The following NMU variants were observed in gnomAD, a reference collection of about 807,000 sequenced individuals.
The protein encoded by NMU is neuromedin-U.
NMU carries 29 observed loss-of-function variants against 35.4 expected under a neutral mutation model. The observed-to-expected ratio is 0.82, with a 90% CI of 0.61 to 1.12. The LOEUF (loss-of-function observed/expected upper bound fraction) is 1.12, where lower values mean the gene tolerates loss of function less well. Ranked by LOEUF, NMU falls within the 50% of genes most tolerant of loss-of-function variation. The pLI is 0.00. For missense variants in NMU, 199 were observed against 206.2 expected (o/e 0.97, Z 0.21); for synonymous variants, 78 against 81.3 (o/e 0.96, Z 0.22).
At chr4:55,596,962 G>A (rs2110177056) in intron 9 of NMU, among the ~76,000 whole-genome samples, 1 of 152,246 alleles carries the variant, frequency 6.6e-6, no homozygotes, top group East Asian at 1.9e-4. Flanking sequence ...AGAAATTGAT[G>A]TGAAATTTTA....
chr4:55,612,393 C>T (rs1733968154), intron 3 of NMU, among the ~76,000 whole-genome samples: 1 of 152,094 alleles, frequency 6.6e-6, no homozygotes, highest in Admixed American at 6.6e-5. Flanking sequence ...GAGTGAGACC[C>T]TATCTCTAAA....
intron 2 of NMU, among the ~76,000 whole-genome samples, chr4:55,628,458 C>T (rs1209431659): frequency 6.7e-6 from 1 of 149,146 alleles, no homozygotes; most frequent in Non-Finnish European, 1.5e-5. Context: ...TTGCTCCGCT[C>T]TCCTTTTAAA....
intron 2 of NMU, among the ~76,000 whole-genome samples, chr4:55,625,561 G>T (rs1452709351): frequency 6.6e-6 from 1 of 151,918 alleles, no homozygotes; most frequent in Admixed American, 6.6e-5. Flanking sequence ...TATGTATTTT[G>T]TTGCGGGTGA....
chr4:55,636,118 C>T lies in NMU; in HGVS notation c.75G>A (p.Leu25=), dbSNP rs1210040862. 1 of 1,529,692 alleles carries T rather than the reference C, an allele frequency of 6.5e-7. No homozygotes were observed. Among genetic ancestry groups the T allele is most frequent in the South Asian group, 1.2e-5 (1 of 83,736 alleles). The allele number at this position is 1,529,692 out of a possible 1,614,324, so 94.8% of individuals were successfully genotyped here. A position where few individuals can be genotyped will look rare whatever the true frequency, so the allele number is the denominator to read the frequency against. ...QVAAASPLLL[L]LLLLAWCAGA... is the part of the protein sequence containing the mutation. ...CCGCGCACCAGGCGAGCAGCAGCAG[C>T]AGCAGCAGGAGCGGGGACGCCGCGG... Residue 25 remains leucine (L), a synonymous_variant, in exon 1 of 10, where the codon CTG becomes CTA. Transcript: ENST00000264218. The surrounding 1 kb of genome is among the most constrained non-coding windows in gnomAD (Gnocchi z 4.0).
intron 7 of NMU, among the ~76,000 whole-genome samples, chr4:55,603,703 G>C (rs1015683271): frequency 6.6e-6 from 1 of 151,486 alleles, no homozygotes; most frequent in African/African-American, 2.4e-5. Context: ...ACGAGGTCAG[G>C]AGATCGAGAC....
At chr4:55,612,675 T>C (rs899547052) in intron 3 of NMU, among the ~76,000 whole-genome samples, 6 of 152,188 alleles carry the variant, frequency 3.9e-5, no homozygotes, top group African/African-American at 1.4e-4. Flanking sequence ...TGGATGAGCT[T>C]CAGTAAGATT....
intron 7 of NMU, among the ~76,000 whole-genome samples, chr4:55,602,028 T>G (rs116670879): frequency 1.7e-3 from 258 of 151,918 alleles, no homozygotes; most frequent in African/African-American, 6.0e-3. Context: ...ATAAAAAAAT[T>G]CAAATGCATA....
chr4:55,605,216 A>G, intron 7 of NMU, 59 bp downstream of exon 7: 1 of 1,141,642 alleles, frequency 8.8e-7, no homozygotes, highest in Non-Finnish European at 1.3e-6. Flanking sequence ...GCTGGGAATT[A>G]ACAGAAAGGG....
chr4:55,599,807 A>T (rs541597508), intron 8 of NMU, among the ~76,000 whole-genome samples: 1 of 152,310 alleles, frequency 6.6e-6, no homozygotes, highest in Non-Finnish European at 1.5e-5. Context: ...CCTTTGGACT[A>T]CAAGTGCATT....
At chr4:55,625,431 T>C (rs944700733) in intron 2 of NMU, among the ~76,000 whole-genome samples, 18 of 152,204 alleles carry the variant, frequency 1.2e-4, no homozygotes, top group African/African-American at 4.3e-4. Context: ...TTATTTATAT[T>C]TCTAGCATGT....
At chr4:55,599,862 T>C (rs189314944) in intron 8 of NMU, among the ~76,000 whole-genome samples, 1 of 152,284 alleles carries the variant, frequency 6.6e-6, no homozygotes, top group African/African-American at 2.4e-5. Context: ...TTTGAGCCTA[T>C]CTAAATTCCT....
chr4:55,598,094 T>G (rs1368906924), intron 9 of NMU, among the ~76,000 whole-genome samples: 1 of 143,932 alleles, frequency 6.9e-6, no homozygotes. Context: ...TTGTGGTTTT[T>G]TTTTTTTTTT....
At chr4:55,628,285 A>G (rs963350237) in intron 2 of NMU, among the ~76,000 whole-genome samples, 2 of 152,152 alleles carry the variant, frequency 1.3e-5, no homozygotes, top group African/African-American at 4.8e-5. Context: ...GCAGTCAATT[A>G]TCCATAAAAT....
rs570120944 is a variant in NMU, at chr4:55,601,876, T to C, written c.436-1301A>G. ...GATGGCATACACCTGTGGACCCAGCTCCTCAGGCTCCTCAGGAGGCTGAGG... is the reference window on the plus strand; with the variant it reads ...GATGGCATACACCTGTGGACCCAGCCCCTCAGGCTCCTCAGGAGGCTGAGG... On this transcript the variant is annotated intron_variant, in intron 7 of 9. Coordinates refer to ENST00000264218, the MANE Select transcript of NMU (RefSeq NM_006681.4). Among the ~76,000 whole-genome samples, 5 of 151,678 alleles carry C rather than the reference T, an allele frequency of 3.3e-5. No homozygotes were observed. In the South Asian group the frequency reaches 1.0e-3, roughly 32 times the overall value.
At chr4:55,611,045 CA>C (rs1432489315) in intron 3 of NMU, among the ~76,000 whole-genome samples, 4 of 151,468 alleles carry the variant, frequency 2.6e-5, no homozygotes, top group African/African-American at 9.7e-5. Flanking sequence ...AGTGTCATTA[CA>C]AAAGAGAAAA....
chr4:55,604,012 T>C lies in NMU; in HGVS notation c.435+1263A>G, dbSNP rs374417274. ...GTATATATATACGTATATATGTATA[T>C]ATGTGTATATATATAATCCTAGAAA... On this transcript the variant is annotated intron_variant, in intron 7 of 9. Transcript: ENST00000264218. 7.6e-4 allele frequency among the ~76,000 whole-genome samples: 2 copies of C among 2,630 alleles called. 1 individual carries two copies. The highest frequency in any genetic ancestry group is 0.091 in the South Asian group (2 of 22). The allele number at this position is 2,630 out of a possible 152,430, so 1.7% of individuals were successfully genotyped here.
At chr4:55,609,059 G>T in intron 4 of NMU, 61 bp downstream of exon 4, 2 of 1,397,700 alleles carry the variant, frequency 1.4e-6, no homozygotes, top group Non-Finnish European at 2.0e-6. Context: ...TCTTCCAGGA[G>T]AAATTCCAAG....
At chr4:55,608,133 CCACTGTACTCCAGCCTGGGCGA>C (rs1265039049) in intron 4 of NMU, among the ~76,000 whole-genome samples, 1 of 141,780 alleles carries the variant, frequency 7.1e-6, no homozygotes, top group African/African-American at 2.6e-5. Context: ...CGAGATGGCG[CCACTGTACTCCAGCCTGGGCGA>C]CAGAGCGAGA....
At chr4:55,607,229 T>C in intron 6 of NMU, 69 bp downstream of exon 6, 1 of 1,139,398 alleles carries the variant, frequency 8.8e-7, no homozygotes, top group Middle Eastern at 2.2e-4. Context: ...AGCTCTATTA[T>C]GCTGCAAAAA....
Sources: allele counts gnomAD v4.1 joint callset (sites outside exome capture counted in the v4.1 genomes callset), GRCh38; gene constraint gnomAD v4.1.1; non-coding constraint Gnocchi (gnomAD v3.1); transcripts MANE v1.5; gene names NCBI Gene and HGNC (gene_info 2026-07-23, HGNC 2026-07-21).